The following LAMA2 variants were observed in gnomAD, a reference collection of about 807,000 sequenced individuals.
LAMA2 encodes the protein laminin subunit alpha-2.
Under a neutral mutation model 364.8 loss-of-function variants are expected in LAMA2, and 269 were observed. That is an observed-to-expected ratio of 0.74 (90% CI 0.67 to 0.82). LAMA2 has a LOEUF of 0.82. LAMA2 is among the 40% of genes least tolerant of loss of function. LAMA2 has a pLI of 0.00. For synonymous variants in LAMA2, 1,379 were observed against 1,370.6 expected, an observed-to-expected ratio of 1.01 and a Z score of -0.14; for missense variants, 3,807 against 3,873.2, an observed-to-expected ratio of 0.98 and a Z score of 0.45.
chr6:129,066,910 T>C (rs1789400463), intron 3 of LAMA2, among the ~76,000 whole-genome samples: 1 of 152,142 alleles, frequency 6.6e-6, no homozygotes, highest in Admixed American at 6.5e-5. Context: ...TCATGCCATA[T>C]AAAAAATCCA....
chr6:129,027,287 G>A (rs1464189800), intron 1 of LAMA2, among the ~76,000 whole-genome samples: 4 of 152,046 alleles, frequency 2.6e-5, no homozygotes, highest in African/African-American at 9.7e-5. Context: ...TTTGCTGAAT[G>A]AATGCGTATG....
chr6:129,437,167 G>A (rs1288820565), intron 41 of LAMA2, among the ~76,000 whole-genome samples: 1 of 152,058 alleles, frequency 6.6e-6, no homozygotes, highest in Admixed American at 6.6e-5. Context: ...GCAGTAGTTA[G>A]CATTGTTTAT....
Position 129,060,931 on chromosome 6 carries a change from T to C in LAMA2, c.396+1035T>C, listed in dbSNP as rs138955544. Among the ~76,000 whole-genome samples the C allele has an allele frequency of 6.2e-3, 947 of 152,256 alleles. 7 individuals are homozygous for C. The highest frequency in any genetic ancestry group is 0.022 in the African/African-American group (904 of 41,568). On this transcript the variant is annotated intron_variant, in intron 3 of 64. Coordinates refer to ENST00000421865, the MANE Select transcript of LAMA2 (RefSeq NM_000426.4). ...ATGAGGAACTGGTGGCGGCAGGGGC[T>C]CAGTGCTGCAGCTTATATCACCAAA...
chr6:129,175,307 A>T (rs571244305), intron 9 of LAMA2, among the ~76,000 whole-genome samples: 7 of 152,186 alleles, frequency 4.6e-5, no homozygotes, highest in Non-Finnish European at 1.5e-5. Flanking sequence ...TCCATGCCTT[A>T]GTTACCTCAT....
chr6:129,498,046 G>A (rs533922443), intron 58 of LAMA2, among the ~76,000 whole-genome samples: 7 of 152,188 alleles, frequency 4.6e-5, no homozygotes, highest in Non-Finnish European at 8.8e-5. Flanking sequence ...ATGTGGAAAC[G>A]TGACAAGTTC....
At chr6:129,212,435 G>T (rs1241418220) in intron 12 of LAMA2, among the ~76,000 whole-genome samples, 1 of 152,088 alleles carries the variant, frequency 6.6e-6, no homozygotes, top group Non-Finnish European at 1.5e-5. Context: ...TCTTAAACCG[G>T]ATGTTTTTTT....
intron 1 of LAMA2, among the ~76,000 whole-genome samples, chr6:129,028,996 G>C (rs1451606424): frequency 6.6e-6 from 1 of 151,772 alleles, no homozygotes; most frequent in East Asian, 1.9e-4. Context: ...TTCCAAAATA[G>C]TCTCAGGATA....
chr6:129,062,496 C>T (rs982659133), intron 3 of LAMA2, among the ~76,000 whole-genome samples: 3 of 152,110 alleles, frequency 2.0e-5, no homozygotes, highest in African/African-American at 7.2e-5. Flanking sequence ...ACTATCTTCT[C>T]CTGGCTTCTA....
rs146578222 is a variant in LAMA2 at position 128,957,604 on chromosome 6, G to A, written c.112+74247G>A. Reference sequence around the variant, plus strand: ...GATATGTGAGGAGTGCTTTTTTTAGGGGGGGAAGGGGAGAAACAGATGTAG... The same window carrying A: ...GATATGTGAGGAGTGCTTTTTTTAGAGGGGGAAGGGGAGAAACAGATGTAG... On this transcript the variant is annotated intron_variant, in intron 1 of 64. Transcript: ENST00000421865. Among the ~76,000 whole-genome samples the A allele has an allele frequency of 6.2e-3, 950 of 152,142 alleles. 12 individuals are homozygous for A. Among genetic ancestry groups the A allele is most frequent in the African/African-American group, 0.021 (892 of 41,520 alleles).
chr6:129,356,828 C>T (rs2114600828), intron 32 of LAMA2, among the ~76,000 whole-genome samples: 1 of 152,146 alleles, frequency 6.6e-6, no homozygotes, highest in South Asian at 2.1e-4. Flanking sequence ...ATCATTGAGA[C>T]TCCTCTAAGA....
rs568537908 is a variant in LAMA2 at position 129,123,372 on chromosome 6, T to G, written c.640-20529T>G. ...CACACATATATATATGTGTGTGAGA[T>G]ATATATATATATATATTCAAAGCAA... On this transcript the variant is annotated intron_variant, in intron 4 of 64. Transcript: ENST00000421865. 6.7e-3 allele frequency among the ~76,000 whole-genome samples: 995 copies of G among 148,704 alleles called. 9 individuals are homozygous for G. The highest frequency in any genetic ancestry group is 0.023 in the African/African-American group (930 of 40,808).
Position 129,217,025 on chromosome 6 carries a change from C to T in LAMA2, c.1782+24172C>T, listed in dbSNP as rs1209424412. On this transcript the variant is annotated intron_variant, in intron 12 of 64. Coordinates refer to ENST00000421865, the MANE Select transcript of LAMA2 (RefSeq NM_000426.4). ...CCAACATGACGAAACCCTGTCTGTA[C>T]TAAAAATACAAAAATTACCTGGGTA... 8.6e-5 allele frequency among the ~76,000 whole-genome samples: 13 copies of T among 152,042 alleles called. No individual in the cohort carries two copies. The South Asian group carries it at 1.5e-3, about 17-fold the overall frequency.
At chr6:129,496,317 C>A (rs1457506563) in intron 58 of LAMA2, among the ~76,000 whole-genome samples, 1 of 152,096 alleles carries the variant, frequency 6.6e-6, no homozygotes, top group Non-Finnish European at 1.5e-5. Context: ...CGGGCATGCA[C>A]CACCACTCTT....
Position 129,160,837 on chromosome 6 carries a change from T to C in LAMA2, c.1207-4739T>C, listed in dbSNP as rs567852817. Among the ~76,000 whole-genome samples the C allele has an allele frequency of 2.0e-4, 30 of 152,080 alleles. No homozygotes were observed. The South Asian group carries it at 6.0e-3, about 30-fold the overall frequency. The stretch of plus-strand genomic sequence containing the variant: ...TGTTAATTTCCAAATATTTGAGCTT[T>C]ATTAAATATTATATTTTTGATTTCT... On this transcript the variant is annotated intron_variant, in intron 8 of 64. Transcript: ENST00000421865.
At chr6:129,417,699 C>T (rs899953209) in intron 40 of LAMA2, among the ~76,000 whole-genome samples, 2 of 152,132 alleles carry the variant, frequency 1.3e-5, no homozygotes, top group Non-Finnish European at 2.9e-5. Flanking sequence ...CCTTCAGGCC[C>T]ATGCAGAGCC....
intron 1 of LAMA2, among the ~76,000 whole-genome samples, chr6:128,960,828 A>C (rs1211703093): frequency 6.6e-6 from 1 of 151,952 alleles, no homozygotes; most frequent in Non-Finnish European, 1.5e-5. Context: ...TGTTTTGTGC[A>C]TGCCATATGT....
chr6:129,301,893 T>C (rs1462298996), intron 22 of LAMA2, among the ~76,000 whole-genome samples: 1 of 152,138 alleles, frequency 6.6e-6, no homozygotes, highest in African/African-American at 2.4e-5. Flanking sequence ...AGTCTGTTTT[T>C]TTGAGGGGGG....
rs139994776 is a variant in LAMA2 at position 129,228,260 on chromosome 6, C to A, written c.1783-21852C>A. ...TCCCTTGGCTAGGAAAGGGAATTTCCTGACCCCTTGTGCTTCCCGGGTGAG... is the reference window on the plus strand; with the variant it reads ...TCCCTTGGCTAGGAAAGGGAATTTCATGACCCCTTGTGCTTCCCGGGTGAG... On this transcript the variant is annotated intron_variant, in intron 12 of 64. Transcript: ENST00000421865. 2.8e-3 allele frequency among the ~76,000 whole-genome samples: 425 copies of A among 152,256 alleles called. 3 individuals are homozygous for A. Among genetic ancestry groups the A allele is most frequent in the African/African-American group, 9.7e-3 (401 of 41,544 alleles).
At chr6:129,045,664 T>C (rs1206324128) in intron 1 of LAMA2, among the ~76,000 whole-genome samples, 2 of 152,216 alleles carry the variant, frequency 1.3e-5, no homozygotes, top group African/African-American at 4.8e-5. Context: ...ATGCTTTTGC[T>C]CTCTTTATTT....
Sources: gnomAD v4.1 joint callset for allele counts (sites outside exome capture counted in the v4.1 genomes callset) on GRCh38, gnomAD v4.1.1 for gene constraint, MANE v1.5 for transcripts, NCBI Gene and HGNC (gene_info 2026-07-23, HGNC 2026-07-21) for gene names.